Variants in TRPC4 observed in about 807,000 individuals in gnomAD.
TRPC4 encodes the protein short transient receptor potential channel 4.
A neutral mutation model predicts 99.4 loss-of-function variants in TRPC4; 49 were observed. The observed-to-expected ratio is 0.49, with a 90% confidence interval of 0.39 to 0.63. The LOEUF (loss-of-function observed/expected upper bound fraction) is 0.63, where lower values mean the gene tolerates loss of function less well. Ranked by LOEUF, TRPC4 falls within the 20% of genes least tolerant of loss-of-function variation. The probability of loss-of-function intolerance (pLI) is 0.00; values close to 1 mark genes in which losing one functional copy is unlikely to be tolerated. For missense variants in TRPC4, 898 were observed against 1,152.9 expected (o/e 0.78, Z 3.20); for synonymous variants, 454 against 425.9 (o/e 1.07, Z -0.81).
At chr13:37,848,371 C>T (rs1041101627) in intron 1 of TRPC4, among the ~76,000 whole-genome samples, 2 of 151,820 alleles carry the variant, frequency 1.3e-5, no homozygotes, top group Non-Finnish European at 2.9e-5. Flanking sequence ...ATATAAAAAC[C>T]ATTGTATACC....
intron 1 of TRPC4, among the ~76,000 whole-genome samples, chr13:37,837,242 C>G (rs1277230174): frequency 6.6e-6 from 1 of 152,236 alleles, no homozygotes; most frequent in Non-Finnish European, 1.5e-5. Flanking sequence ...GTGAGATCCC[C>G]CACACAGAGT....
chr13:37,808,230 T>G (rs1448392222), intron 1 of TRPC4, among the ~76,000 whole-genome samples: 1 of 152,100 alleles, frequency 6.6e-6, no homozygotes, highest in Non-Finnish European at 1.5e-5. Context: ...TAGAAGGTCT[T>G]TAGTGAAGTT....
chr13:37,827,003 C>A (rs1422609394), intron 1 of TRPC4, among the ~76,000 whole-genome samples: 1 of 152,056 alleles, frequency 6.6e-6, no homozygotes, highest in Non-Finnish European at 1.5e-5. Context: ...AACTTCCCTT[C>A]TCACTTCATT....
intron 1 of TRPC4, among the ~76,000 whole-genome samples, chr13:37,847,336 A>G (rs1302306870): frequency 6.6e-6 from 1 of 152,128 alleles, no homozygotes; most frequent in Non-Finnish European, 1.5e-5. Context: ...AATCATATCA[A>G]GCGGTTTTTC....
chr13:37,796,304 A>G (rs1212465897), intron 1 of TRPC4, among the ~76,000 whole-genome samples: 1 of 152,218 alleles, frequency 6.6e-6, no homozygotes, highest in Non-Finnish European at 1.5e-5. Context: ...ATCTTCAGGA[A>G]AACCTTCTTG....
At chr13:37,805,734 C>T (rs1028179515) in intron 1 of TRPC4, among the ~76,000 whole-genome samples, 1 of 151,896 alleles carries the variant, frequency 6.6e-6, no homozygotes, top group Admixed American at 6.6e-5. Context: ...TGTCAAGGGC[C>T]TTGTACTTTA....
intron 1 of TRPC4, among the ~76,000 whole-genome samples, chr13:37,795,031 AT>A (rs1218995742): frequency 6.6e-6 from 1 of 151,810 alleles, no homozygotes; most frequent in Admixed American, 6.6e-5. Flanking sequence ...TAATTTGGCT[AT>A]TTTTTACTTC....
chr13:37,681,630 C>T (rs937858164), intron 4 of TRPC4, among the ~76,000 whole-genome samples: 1 of 152,036 alleles, frequency 6.6e-6, no homozygotes, highest in South Asian at 2.1e-4. Context: ...TTAGAAAAAC[C>T]AGAGGGTGCT....
At chr13:37,759,257 C>A (rs986002825) in intron 2 of TRPC4, among the ~76,000 whole-genome samples, 1 of 151,888 alleles carries the variant, frequency 6.6e-6, no homozygotes, top group Middle Eastern at 3.4e-3. Context: ...CCTGTCATAA[C>A]AACAAATTTG....
At chr13:37,670,145 T>C (rs991008799) in intron 5 of TRPC4, among the ~76,000 whole-genome samples, 1 of 151,904 alleles carries the variant, frequency 6.6e-6, no homozygotes, top group African/African-American at 2.4e-5. Flanking sequence ...TGCTGGAACC[T>C]TGATCTCAGG....
intron 3 of TRPC4, among the ~76,000 whole-genome samples, chr13:37,729,427 T>C (rs1029157989): frequency 1.7e-5 from 2 of 115,480 alleles, no homozygotes; most frequent in Non-Finnish European, 4.2e-5. Context: ...TGTGGAGGTT[T>C]CTCAAAAATT....
At chr13:37,761,800 A>G (rs1956227547) in intron 2 of TRPC4, among the ~76,000 whole-genome samples, 1 of 151,844 alleles carries the variant, frequency 6.6e-6, no homozygotes, top group African/African-American at 2.4e-5. Context: ...CACAGTCCCA[A>G]TTATAGTGCT....
chr13:37,818,011 G>A (rs1957906673), intron 1 of TRPC4, among the ~76,000 whole-genome samples: 1 of 151,938 alleles, frequency 6.6e-6, no homozygotes, highest in Non-Finnish European at 1.5e-5. Flanking sequence ...AAAAGCAACT[G>A]CAACAAAAGC....
intron 3 of TRPC4, among the ~76,000 whole-genome samples, chr13:37,733,068 T>C (rs1411946646): frequency 6.6e-6 from 1 of 151,980 alleles, no homozygotes; most frequent in Admixed American, 6.6e-5. Context: ...AGCTCAGGAG[T>C]TTCAGGCCAG....
In TRPC4 at chr13:37,633,435, G is replaced by A. The variant is rs1321062042; in HGVS notation, c.*3468C>T. Among the ~76,000 whole-genome samples the A allele has an allele frequency of 2.0e-5, 3 of 152,088 alleles. No individual in the cohort carries two copies. Among genetic ancestry groups the A allele is most frequent in the Admixed American group, 1.3e-4 (2 of 15,244 alleles). ...AATGGACAGATTTCAAAACTTGGTG[G>A]CCTCTCTTCAATAAAGAGCTGTGAG... On this transcript the variant is annotated 3_prime_UTR_variant, in exon 11 of 11. Coordinates refer to ENST00000379705, the MANE Select transcript of TRPC4 (RefSeq NM_016179.4).
intron 3 of TRPC4, among the ~76,000 whole-genome samples, chr13:37,709,672 A>G (rs1954409427): frequency 6.6e-6 from 1 of 151,804 alleles, no homozygotes; most frequent in Admixed American, 6.6e-5. Flanking sequence ...TTCCTGAAAC[A>G]CCCTTCACAG....
chr13:37,666,682 T>A (rs1011521930), intron 5 of TRPC4, among the ~76,000 whole-genome samples: 4 of 152,228 alleles, frequency 2.6e-5, no homozygotes, highest in African/African-American at 7.2e-5. Flanking sequence ...ATTTGAATTT[T>A]AAAAAATTTC....
At chr13:37,752,410 T>C (rs547058042) in intron 2 of TRPC4, among the ~76,000 whole-genome samples, 6 of 152,046 alleles carry the variant, frequency 3.9e-5, no homozygotes, top group South Asian at 2.1e-4. Context: ...CTGCCATTTC[T>C]GTAGGGCGAA....
chr13:37,719,326 T>C (rs1161281136), intron 3 of TRPC4, among the ~76,000 whole-genome samples: 1 of 151,998 alleles, frequency 6.6e-6, no homozygotes, highest in Non-Finnish European at 1.5e-5. Context: ...CCAGCCTGGG[T>C]GACAGAGTGA....
Sources: gnomAD v4.1 joint callset for allele counts (sites outside exome capture counted in the v4.1 genomes callset) on GRCh38, gnomAD v4.1.1 for gene constraint, MANE v1.5 for transcripts, NCBI Gene and HGNC (gene_info 2026-07-23, HGNC 2026-07-21) for gene names.